The following PRICKLE1 variants were observed in gnomAD, a reference collection of about 807,000 sequenced individuals.
PRICKLE1 encodes prickle planar cell polarity protein 1.
Under a neutral mutation model 70.2 loss-of-function variants are expected in PRICKLE1, and 14 were observed. The ratio of observed to expected loss-of-function variants is 0.20; its 90% CI spans 0.13 to 0.31. The LOEUF is 0.31. Ranked by LOEUF, PRICKLE1 falls within the 10% of genes least tolerant of loss-of-function variation. The probability of loss-of-function intolerance (pLI) is 1.00; values close to 1 mark genes in which losing one functional copy is unlikely to be tolerated. For missense variants in PRICKLE1, 821 were observed against 1,026.2 expected, an observed-to-expected ratio of 0.80 and a Z score of 2.73; for synonymous variants, 357 against 379.9, an observed-to-expected ratio of 0.94 and a Z score of 0.70.
chr12:42,583,538 A>T (rs1037616542), intron 1 of PRICKLE1, among the ~76,000 whole-genome samples: 6 of 152,198 alleles, frequency 3.9e-5, no homozygotes, highest in African/African-American at 1.4e-4. Flanking sequence ...AAGGCCTCCA[A>T]TAGCATTAGT....
intron 1 of PRICKLE1, among the ~76,000 whole-genome samples, chr12:42,488,917 T>G (rs1235258744): frequency 6.7e-6 from 1 of 149,130 alleles, no homozygotes; most frequent in Non-Finnish European, 1.5e-5. Context: ...TCTCTATCAA[T>G]CTATCTTTTT....
chr12:42,497,829 A>T lies in PRICKLE1; in HGVS notation c.-48-25265T>A, dbSNP rs570436789. Among the ~76,000 whole-genome samples the T allele has an allele frequency of 6.6e-5, 10 of 151,998 alleles. No homozygotes were observed. The South Asian group carries it at 1.9e-3, about 28-fold the overall frequency. On this transcript the variant is annotated intron_variant, in intron 1 of 7. Coordinates refer to ENST00000345127, the MANE Select transcript of PRICKLE1 (RefSeq NM_153026.3). ...TGTGAAGCATGATACAGCAGTGTGC[A>T]GTAAAACGAAGCATGCTGGTATCTT...
chr12:42,546,835 T>C (rs542986321), intron 1 of PRICKLE1, among the ~76,000 whole-genome samples: 3 of 152,248 alleles, frequency 2.0e-5, no homozygotes, highest in Non-Finnish European at 4.4e-5. Context: ...TTAAATTTAC[T>C]GGCTGAATTA....
In PRICKLE1 at chr12:42,589,217, G is replaced by A. The variant is rs1278081723; in HGVS notation, c.-49+248C>T. The A allele has an allele frequency of 3.3e-5, 5 of 152,252 alleles. No homozygotes were observed. The highest frequency in any genetic ancestry group is 1.2e-4 in the African/African-American group (5 of 41,446). The allele number at this position is 152,252 out of a possible 1,614,324, so 9.4% of individuals were successfully genotyped here. Reference sequence around the variant, plus strand: ...GAGTTGGTTGTGATGCAGCAAACAGGAGCCATGCGGAGAGCCTCTGCGGAG... The same window carrying A: ...GAGTTGGTTGTGATGCAGCAAACAGAAGCCATGCGGAGAGCCTCTGCGGAG... On this transcript the variant is annotated intron_variant, in intron 1 of 7. Transcript: ENST00000345127. This position sits in a 1 kb window ranked among gnomAD's most constrained non-coding sequence, Gnocchi z 5.0.
chr12:42,571,936 T>C (rs547098857), intron 1 of PRICKLE1, among the ~76,000 whole-genome samples: 13 of 152,208 alleles, frequency 8.5e-5, no homozygotes, highest in Non-Finnish European at 1.8e-4. Flanking sequence ...ACTATGTCTA[T>C]ATTATATTTC....
chr12:42,587,122 G>A (rs991260794), intron 1 of PRICKLE1, among the ~76,000 whole-genome samples: 1 of 152,088 alleles, frequency 6.6e-6, no homozygotes, highest in Non-Finnish European at 1.5e-5. Flanking sequence ...AGCTTCACTG[G>A]TGTTACTGGC....
rs541081996 is a variant in PRICKLE1 at position 42,499,690 on chromosome 12, G to A, written c.-48-27126C>T. Among the ~76,000 whole-genome samples the A allele has an allele frequency of 2.7e-5, 4 of 150,152 alleles. No individual in the cohort carries two copies. The South Asian group carries it at 8.4e-4, about 32-fold the overall frequency. Reference sequence around the variant, plus strand: ...TCCACCACGGCCTCCCAAAGTGCTGGGATTACAGGTATGAGCCACCGTGTC... The same window carrying A: ...TCCACCACGGCCTCCCAAAGTGCTGAGATTACAGGTATGAGCCACCGTGTC... On this transcript the variant is annotated intron_variant, in intron 1 of 7. Coordinates refer to ENST00000345127, the MANE Select transcript of PRICKLE1 (RefSeq NM_153026.3).
intron 1 of PRICKLE1, among the ~76,000 whole-genome samples, chr12:42,579,947 C>A (rs1940871742): frequency 6.6e-6 from 1 of 152,072 alleles, no homozygotes; most frequent in Admixed American, 6.6e-5. Flanking sequence ...TCTTGGCTCA[C>A]TGCAACCTCC....
chr12:42,487,487 T>C (rs1330970553), intron 1 of PRICKLE1, among the ~76,000 whole-genome samples: 2 of 152,196 alleles, frequency 1.3e-5, no homozygotes, highest in African/African-American at 2.4e-5. Context: ...TCTTTAGATT[T>C]ACTACTCCAA....
chr12:42,478,781 G>C (rs1341944952), intron 1 of PRICKLE1, among the ~76,000 whole-genome samples: 4 of 150,048 alleles, frequency 2.7e-5, no homozygotes, highest in Non-Finnish European at 5.9e-5. Flanking sequence ...CCATGCAATA[G>C]AAAATGGAAC....
chr12:42,531,381 A>T (rs1939916057), intron 1 of PRICKLE1, among the ~76,000 whole-genome samples: 1 of 152,154 alleles, frequency 6.6e-6, no homozygotes, highest in Non-Finnish European at 1.5e-5. Context: ...ATAGTGTTAA[A>T]ATGTTAGGTT....
intron 1 of PRICKLE1, among the ~76,000 whole-genome samples, chr12:42,511,603 C>T (rs1286691434): frequency 1.3e-5 from 2 of 152,128 alleles, no homozygotes; most frequent in Non-Finnish European, 2.9e-5. Flanking sequence ...AATCAGGTTC[C>T]ACAGGAGAGG....
intron 5 of PRICKLE1, among the ~76,000 whole-genome samples, chr12:42,468,020 T>C (rs994782980): frequency 6.2e-4 from 94 of 152,308 alleles, no homozygotes; most frequent in African/African-American, 2.1e-3. Context: ...TTAGTTTTGA[T>C]ACATATATTA....
intron 1 of PRICKLE1, among the ~76,000 whole-genome samples, chr12:42,580,350 T>A (rs1002937484): frequency 4.6e-5 from 7 of 152,214 alleles, no homozygotes; most frequent in Non-Finnish European, 1.5e-5. Flanking sequence ...ATGCTCAACA[T>A]CTTTTTCTGT....
chr12:42,504,942 T>A (rs937169464), intron 1 of PRICKLE1, among the ~76,000 whole-genome samples: 1 of 151,004 alleles, frequency 6.6e-6, no homozygotes, highest in Non-Finnish European at 1.5e-5. Flanking sequence ...GGGTTTGAGA[T>A]CAGCCTGACC....
At chr12:42,492,361 C>A (rs1321053574) in intron 1 of PRICKLE1, among the ~76,000 whole-genome samples, 1 of 152,194 alleles carries the variant, frequency 6.6e-6, no homozygotes, top group Non-Finnish European at 1.5e-5. Flanking sequence ...TATATTTAAA[C>A]TCTCCACCAA....
At chr12:42,536,026 A>C (rs1940012256) in intron 1 of PRICKLE1, among the ~76,000 whole-genome samples, 1 of 152,204 alleles carries the variant, frequency 6.6e-6, no homozygotes, top group Non-Finnish European at 1.5e-5. Context: ...AACACAGTAC[A>C]TTCAAAGCAA....
rs1415674864 is a variant in PRICKLE1, at chr12:42,580,881, AAAGG to A, written c.-49+8580_-49+8583del. On this transcript the variant is annotated intron_variant, in intron 1 of 7. Coordinates refer to ENST00000345127, the MANE Select transcript of PRICKLE1 (RefSeq NM_153026.3). ...AAGAGTGAATGAATGAACAAAAGAG[AAAGG>A]AAGGAAGGACGGAAGGAAGGACGGA... Among the ~76,000 whole-genome samples, 7 of 152,224 alleles carry A rather than the reference AAAGG, an allele frequency of 4.6e-5. No individual in the cohort carries two copies. The South Asian group carries it at 1.5e-3, about 32-fold the overall frequency.
chr12:42,553,191 C>G (rs1306888270), intron 1 of PRICKLE1, among the ~76,000 whole-genome samples: 2 of 152,048 alleles, frequency 1.3e-5, no homozygotes, highest in Non-Finnish European at 2.9e-5. Flanking sequence ...GCCTGTAATC[C>G]CAGCACTCTG....
Sources: gnomAD v4.1 joint callset for allele counts (sites outside exome capture counted in the v4.1 genomes callset) on GRCh38, gnomAD v4.1.1 for gene constraint, Gnocchi (gnomAD v3.1) non-coding constraint, MANE v1.5 for transcripts, NCBI Gene and HGNC (gene_info 2026-07-23, HGNC 2026-07-21) for gene names.